MYLK: variants seen among roughly 807,000 people sequenced by gnomAD.
MYLK encodes the protein myosin light chain kinase, smooth muscle.
A neutral mutation model predicts 203.4 loss-of-function variants in MYLK; 106 were observed. The observed-to-expected ratio is 0.52, with a 90% CI of 0.45 to 0.61. The LOEUF is 0.61. Ranked by LOEUF, MYLK falls within the 20% of genes least tolerant of loss-of-function variation. The pLI is 0.00. For synonymous variants in MYLK, 867 were observed against 959.5 expected, an observed-to-expected ratio of 0.90 and a Z score of 1.78; for missense variants, 2,072 against 2,442.3, an observed-to-expected ratio of 0.85 and a Z score of 3.20.
intron 10 of MYLK, 53 bp downstream of exon 10, chr3:123,733,634 G>A (rs1484291301): frequency 2.5e-6 from 4 of 1,603,044 alleles, no homozygotes; most frequent in East Asian, 4.5e-5. Context: ...GAAGGGAGTG[G>A]CCACCAAGGG....
chr3:123,636,810 G>T (rs2058659956), intron 29 of MYLK, among the ~76,000 whole-genome samples: 1 of 152,230 alleles, frequency 6.6e-6, no homozygotes, highest in East Asian at 1.9e-4. Flanking sequence ...AGGCTGTGGT[G>T]GTGGGGCTAA....
chr3:123,611,641 T>C lies in MYLK; in HGVS notation c.*2464A>G, dbSNP rs886713004. The C allele has an allele frequency of 6.6e-5, 10 of 152,076 alleles. No individual in the cohort carries two copies. The highest frequency in any genetic ancestry group is 2.4e-4 in the African/African-American group (10 of 41,368). 9.4% of individuals were successfully genotyped at this position (152,076 alleles called of 1,614,324 possible). ...TCAAGCACATTACATGTATTGTGCA[T>C]TTTATTTCTATTATTATTACATTGT... On this transcript the variant is annotated 3_prime_UTR_variant, in exon 34 of 34. Coordinates refer to ENST00000360304, the MANE Select transcript of MYLK (RefSeq NM_053025.4).
In MYLK at chr3:123,647,299, C is replaced by T. The variant is rs2059054509; in HGVS notation, c.4544G>A (p.Cys1515Tyr). 1 of 1,614,226 alleles carries T rather than the reference C, an allele frequency of 6.2e-7. No individual in the cohort carries two copies. Among genetic ancestry groups the T allele is most frequent in the Non-Finnish European group, 8.5e-7 (1 of 1,180,038 alleles). Residue 1515 changes from cysteine to tyrosine, a missense_variant, in exon 27 of 34, where the codon TGC (cysteine) becomes TAC (tyrosine). Coordinates refer to ENST00000360304, the MANE Select transcript of MYLK (RefSeq NM_053025.4). ...NIRQEISIMN[C>Y]LHHPKLVQCV... is the part of the protein sequence containing the mutation. ...CTGGACCAGCTTAGGGTGGTGGAGG[C>T]AGTTCATGATGCTAATCTCCTGCCG...
At position 123,733,778 on chromosome 3, in the gene MYLK, C is replaced by T. The variant is rs968237072; in HGVS notation, c.1218G>A (p.Glu406=). The T allele has an allele frequency of 2.5e-6, 4 of 1,614,114 alleles. No individual in the cohort carries two copies. The highest frequency in any genetic ancestry group is 2.2e-5 in the South Asian group (2 of 91,096). The change falls in exon 10 of 34, where the codon GAG becomes GAA. Residue 406 remains glutamate, a synonymous_variant. Transcript: ENST00000360304. ...TGGGGAATGCTGAATCCCTCTGGCC[C>T]TCCATGGGGATTCTCCTGTTAGCAG... The part of the protein sequence containing the change: ...SKAANRRIPM[E]GQRDSAFPKF...
chr3:123,629,664 A>G lies in MYLK; in HGVS notation c.4962-38T>C. 6.2e-7 allele frequency: 1 copy of G among 1,612,138 alleles called. No homozygotes were observed. ...GAGCAGGACAGCAGGTGTGGCTAGG[A>G]GAGGGCGCGACGACCAGGTGAGTGG... On this transcript the variant is annotated intron_variant, in intron 29 of 33. Transcript: ENST00000360304. The surrounding 1 kb of genome is among the most constrained non-coding windows in gnomAD (Gnocchi z 4.4).
chr3:123,638,025 G>T (rs185419511), intron 29 of MYLK, 46 bp downstream of exon 29: 8 of 1,612,754 alleles, frequency 5.0e-6, no homozygotes, highest in Non-Finnish European at 4.2e-6. Flanking sequence ...CCCACCCACT[G>T]GTCCACCAAG....
intron 33 of MYLK, 50 bp from the exon 34 acceptor site, chr3:123,614,399 T>C: frequency 6.2e-7 from 1 of 1,611,896 alleles, no homozygotes. Flanking sequence ...ATTCAAAATT[T>C]CTTATCAACT....
At chr3:123,825,412 G>A (rs2066082241) in intron 3 of MYLK, among the ~76,000 whole-genome samples, 1 of 152,114 alleles carries the variant, frequency 6.6e-6, no homozygotes, top group Admixed American at 6.5e-5. Context: ...CTTGTTGCAA[G>A]GAAAAGATAA....
intron 11 of MYLK, among the ~76,000 whole-genome samples, chr3:123,728,499 T>C (rs1043539753): frequency 3.9e-5 from 6 of 152,006 alleles, no homozygotes; most frequent in East Asian, 1.9e-4. Context: ...AGAGCGAGAC[T>C]CTGTCTCTAA....
Position 123,613,838 on chromosome 3 carries a change from T to C in MYLK, c.*267A>G. ...TGGTTTGGTTACTTTCTCTCTAAAA[T>C]CAATTGGTCAGTCAAGTTACTGGTG... On this transcript the variant is annotated 3_prime_UTR_variant, in exon 34 of 34. Coordinates refer to ENST00000360304, the MANE Select transcript of MYLK (RefSeq NM_053025.4). 2.1e-6 allele frequency: 1 copy of C among 473,230 alleles called. No individual in the cohort carries two copies. The highest frequency in any genetic ancestry group is 3.8e-6 in the Non-Finnish European group (1 of 259,992). The allele number at this position is 473,230 out of a possible 1,614,324, so 29.3% of individuals were successfully genotyped here.
intron 20 of MYLK, among the ~76,000 whole-genome samples, chr3:123,669,465 T>C (rs1343842900): frequency 6.6e-6 from 1 of 151,530 alleles, no homozygotes; most frequent in Non-Finnish European, 1.5e-5. Context: ...ATTTATAGGA[T>C]AACTGGCAAC....
chr3:123,669,316 T>C (rs1249830170), intron 20 of MYLK, among the ~76,000 whole-genome samples: 1 of 152,142 alleles, frequency 6.6e-6, no homozygotes, highest in Non-Finnish European at 1.5e-5. Flanking sequence ...CAAATGCTAG[T>C]CAGTACACAC....
intron 20 of MYLK, among the ~76,000 whole-genome samples, chr3:123,670,465 T>C (rs2059879827): frequency 6.6e-6 from 1 of 151,954 alleles, no homozygotes; most frequent in Non-Finnish European, 1.5e-5. Context: ...CTAAATTAAA[T>C]AAAATTAAGG....
intron 3 of MYLK, among the ~76,000 whole-genome samples, chr3:123,823,430 G>A (rs2066003377): frequency 6.6e-6 from 1 of 152,014 alleles, no homozygotes; most frequent in Non-Finnish European, 1.5e-5. Context: ...TCCCATCCAG[G>A]CAAAAGGCTC....
At chr3:123,857,524 A>G (rs566543747) in intron 2 of MYLK, among the ~76,000 whole-genome samples, 1 of 152,104 alleles carries the variant, frequency 6.6e-6, no homozygotes, top group South Asian at 2.1e-4. Flanking sequence ...GGAAATCATC[A>G]TTCTCAGTAA....
chr3:123,862,072 C>T (rs1243546327), intron 2 of MYLK, among the ~76,000 whole-genome samples: 1 of 152,226 alleles, frequency 6.6e-6, no homozygotes, highest in African/African-American at 2.4e-5. Flanking sequence ...AGTCAGTGCC[C>T]TTCCTAAGGA....
intron 2 of MYLK, among the ~76,000 whole-genome samples, chr3:123,835,650 CT>C (rs1357984981): frequency 6.6e-6 from 1 of 152,162 alleles, no homozygotes; most frequent in Non-Finnish European, 1.5e-5. Context: ...CAGAAGCAGC[CT>C]CAGAAGCAAA....
chr3:123,639,487 C>T (rs2058758334), intron 28 of MYLK, among the ~76,000 whole-genome samples: 1 of 152,188 alleles, frequency 6.6e-6, no homozygotes, highest in Admixed American at 6.5e-5. Context: ...TCCTTGCTAG[C>T]AGGGCAGTGG....
intron 24 of MYLK, among the ~76,000 whole-genome samples, chr3:123,651,692 C>A (rs377430109): frequency 6.6e-6 from 1 of 152,194 alleles, no homozygotes; most frequent in South Asian, 2.1e-4. Flanking sequence ...GCTTTCCCTG[C>A]GTGCCTTGAA....
Sources: allele counts gnomAD v4.1 joint callset (sites outside exome capture counted in the v4.1 genomes callset), GRCh38; gene constraint gnomAD v4.1.1; non-coding constraint Gnocchi (gnomAD v3.1); transcripts MANE v1.5; gene names NCBI Gene and HGNC (gene_info 2026-07-23, HGNC 2026-07-21).